The following LRRC37A3 variants were observed in gnomAD, a reference collection of about 807,000 sequenced individuals.
The protein encoded by LRRC37A3 is leucine-rich repeat-containing protein 37A3.
In LRRC37A3, 25 loss-of-function variants were observed where a neutral mutation model predicts 106.2. The observed-to-expected ratio is 0.24, with a 90% CI of 0.17 to 0.33. The LOEUF is 0.33. Among genes scored for constraint, LRRC37A3 ranks in the 10% least tolerant of loss-of-function variants. The pLI is 1.00. For synonymous variants in LRRC37A3, 305 were observed against 635.8 expected, an observed-to-expected ratio of 0.48 and a Z score of 7.83; for missense variants, 712 against 1,644.9, an observed-to-expected ratio of 0.43 and a Z score of 9.81.
rs1413567516 is a variant in LRRC37A3, at chr17:64,875,102, T to TA, written c.2907-5937dup. Among the ~76,000 whole-genome samples, 27 of 151,390 alleles carry TA rather than the reference T, an allele frequency of 1.8e-4. No homozygotes were observed. The South Asian group carries it at 2.3e-3, about 13-fold the overall frequency. On this transcript the variant is annotated intron_variant, in intron 8 of 14. Coordinates refer to ENST00000584306, the MANE Select transcript of LRRC37A3 (RefSeq NM_199340.5). ...CCCAAGAATGATCAATAAAAAAAAT[T>TA]AAAAAAAACAAAAACAACAACAAAA... is the stretch of plus-strand genomic sequence containing the variant.
At chr17:64,866,801 T>TTATATATATA (rs61583094) in intron 10 of LRRC37A3, among the ~76,000 whole-genome samples, 23 of 124,700 alleles carry the variant, frequency 1.8e-4, no homozygotes, top group African/African-American at 7.3e-4. Context: ...TGGCTGATTT[T>TTATATATATA]TATATATATA....
intron 2 of LRRC37A3, among the ~76,000 whole-genome samples, chr17:64,918,433 T>C (rs1422376493): frequency 2.6e-5 from 4 of 151,820 alleles, no homozygotes; most frequent in Admixed American, 1.3e-4. Context: ...GCAATGTAAT[T>C]TGAAGAGAAA....
rs1972660965 is a variant in LRRC37A3 at position 64,855,854 on chromosome 17, T to C, written c.4845A>G (p.Glu1615=). 3.1e-6 allele frequency: 5 copies of C among 1,611,850 alleles called. No individual in the cohort carries two copies. Among genetic ancestry groups the C allele is most frequent in the Non-Finnish European group, 4.2e-6 (5 of 1,179,710 alleles). ...CCHRRSLQED[E]EGFSRDSEAP... ...CTAATATTTACCTTGAGAATCCTTC[T>C]TCATCTTCTTGTAATGACCTTCGGT... The change falls in exon 14 of 15, where the codon GAA becomes GAG. Residue 1615 remains glutamate, a synonymous_variant. Transcript: ENST00000584306.
At chr17:64,880,077 T>C (rs1305198851) in intron 8 of LRRC37A3, among the ~76,000 whole-genome samples, 1 of 151,824 alleles carries the variant, frequency 6.6e-6, no homozygotes, top group East Asian at 1.9e-4. Context: ...CTTCTCCAGC[T>C]GACATTAGGA....
intron 8 of LRRC37A3, among the ~76,000 whole-genome samples, chr17:64,870,113 C>G (rs1470370697): frequency 7.8e-6 from 1 of 128,022 alleles, no homozygotes; most frequent in Non-Finnish European, 1.6e-5. Context: ...TTTTCTGAGA[C>G]GGAGTCTCAC....
intron 8 of LRRC37A3, among the ~76,000 whole-genome samples, chr17:64,871,035 A>AT (rs1187525599): frequency 6.6e-6 from 1 of 150,794 alleles, no homozygotes; most frequent in Non-Finnish European, 1.5e-5. Flanking sequence ...ACGCCTGGCT[A>AT]TTTTTTGTGT....
Position 64,860,650 on chromosome 17 carries a change from T to C in LRRC37A3, c.3496A>G (p.Arg1166Gly), listed in dbSNP as rs1972837178. The C allele has an allele frequency of 6.2e-7, 1 of 1,613,934 alleles. No homozygotes were observed. Among genetic ancestry groups the C allele is most frequent in the African/African-American group, 1.3e-5 (1 of 74,944 alleles). The stretch of plus-strand genomic sequence containing the variant: ...ATGCTCCTTGGGCCCATGAGGACTC[T>C]ATTCAGTCTCTGCCGGTTTTTGCCT... Reference protein sequence around the residue: ...TVGKNRQRLNRVLMGPRSIQK... With the variant: ...TVGKNRQRLNGVLMGPRSIQK... The change falls in exon 12 of 15, where the codon AGA becomes GGA. Residue 1166 changes from arginine (R) to glycine (G), a missense_variant. Arg to Gly is a moderately radical substitution (Grantham distance 125, BLOSUM62 -2). Coordinates refer to ENST00000584306, the MANE Select transcript of LRRC37A3 (RefSeq NM_199340.5).
rs1972934238 is a variant in LRRC37A3 at position 64,863,196 on chromosome 17, G to C, written c.3054-178C>G. 1.8e-5 allele frequency: 12 copies of C among 674,018 alleles called. 1 individual carries two copies. In the South Asian group the frequency reaches 1.9e-4, roughly 11 times the overall value. The allele number at this position is 674,018 out of a possible 1,614,324, so 41.8% of individuals were successfully genotyped here. A position where few individuals can be genotyped will look rare whatever the true frequency, so the allele number is the denominator to read the frequency against. On this transcript the variant is annotated intron_variant, in intron 10 of 14. Coordinates refer to ENST00000584306, the MANE Select transcript of LRRC37A3 (RefSeq NM_199340.5). ...GGAGGACAAAAGTGCCCAACTGAAG[G>C]GTAAGCATGGCAGTGAGTATGGTAT...
intron 13 of LRRC37A3, among the ~76,000 whole-genome samples, chr17:64,858,007 G>A (rs1372440809): frequency 6.6e-6 from 1 of 152,138 alleles, no homozygotes. Flanking sequence ...TCATGTAATC[G>A]AACAAAAGAC....
intron 2 of LRRC37A3, among the ~76,000 whole-genome samples, chr17:64,917,159 T>C (rs1163380671): frequency 1.4e-5 from 2 of 138,442 alleles, no homozygotes; most frequent in Non-Finnish European, 3.0e-5. Context: ...GGCAGGAGAA[T>C]GGCATGAACC....
intron 2 of LRRC37A3, among the ~76,000 whole-genome samples, chr17:64,900,882 TTTTC>T (rs1231088486): frequency 7.3e-6 from 1 of 136,820 alleles, no homozygotes; most frequent in African/African-American, 2.9e-5. Context: ...TGTTTTTCTT[TTTTC>T]TTTTAGACAG....
intron 8 of LRRC37A3, among the ~76,000 whole-genome samples, chr17:64,883,143 C>T (rs1489286650): frequency 4.6e-5 from 7 of 152,174 alleles, no homozygotes; most frequent in South Asian, 2.1e-4. Context: ...GATAGTTAGC[C>T]GCCTGGTCCT....
chr17:64,863,076 A>G lies in LRRC37A3; in HGVS notation c.3054-58T>C, dbSNP rs1301657596. On this transcript the variant is annotated intron_variant, in intron 10 of 14. Transcript: ENST00000584306. Reference sequence around the variant, plus strand: ...GGTAAAGCGGTTACTTGAGTAGGTAAAGGAGGCAGCCAACACTACCACAGG... The same window carrying G: ...GGTAAAGCGGTTACTTGAGTAGGTAGAGGAGGCAGCCAACACTACCACAGG... 3.1e-6 allele frequency: 5 copies of G among 1,588,254 alleles called. No homozygotes were observed. In the South Asian group the frequency reaches 3.3e-5, roughly 10 times the overall value.
rs1424592136 is a variant in LRRC37A3 at position 64,854,648 on chromosome 17, G to A, written c.4860-4C>T. Reference sequence around the variant, plus strand: ...CTCCGTTGGGGCTTCGCTGTCCCTGGGATAAGAATAACAATGCCAAGGTTT... The same window carrying A: ...CTCCGTTGGGGCTTCGCTGTCCCTGAGATAAGAATAACAATGCCAAGGTTT... On this transcript the variant is annotated splice_region_variant and splice_polypyrimidine_tract_variant and intron_variant, in intron 14 of 14. Coordinates refer to ENST00000584306, the MANE Select transcript of LRRC37A3 (RefSeq NM_199340.5). 1.2e-6 allele frequency: 2 copies of A among 1,613,286 alleles called. No individual in the cohort carries two copies. Among genetic ancestry groups the A allele is most frequent in the Non-Finnish European group, 1.7e-6 (2 of 1,179,848 alleles).
chr17:64,900,605 GTTT>G, intron 2 of LRRC37A3: 1 of 29,768 alleles, frequency 3.4e-5, no homozygotes. Context: ...TTACCTTTGA[GTTT>G]TTATCTCCAC....
At chr17:64,872,024 C>T (rs1286930295) in intron 8 of LRRC37A3, among the ~76,000 whole-genome samples, 17 of 148,484 alleles carry the variant, frequency 1.1e-4, no homozygotes, top group East Asian at 2.0e-4. Flanking sequence ...CCCAGCTACT[C>T]GGGAGGCTGA....
Position 64,860,463 on chromosome 17 carries a change from C to T in LRRC37A3, c.3683G>A (p.Gly1228Glu), listed in dbSNP as rs749664094. ...CGAAGGCTTGGTGTAGACGGCGTTTCCCGCTAACTTCTCAGGCCCCTGCTG... is the reference window on the plus strand; with the variant it reads ...CGAAGGCTTGGTGTAGACGGCGTTTTCCGCTAACTTCTCAGGCCCCTGCTG... ...HTQQGPEKLA[G>E]NAVYTKPSFT... Residue 1228 changes from glycine (G) to glutamate (E), a missense_variant, in exon 12 of 15, where the codon GGA becomes GAA. Coordinates refer to ENST00000584306, the MANE Select transcript of LRRC37A3 (RefSeq NM_199340.5). 3.7e-6 allele frequency: 6 copies of T among 1,613,452 alleles called. No homozygotes were observed. In the African/African-American group the frequency reaches 6.7e-5, roughly 18 times the overall value.
chr17:64,868,999 T>C (rs1265540316), intron 9 of LRRC37A3, 96 bp downstream of exon 9: 3 of 1,513,682 alleles, frequency 2.0e-6, no homozygotes, highest in South Asian at 1.3e-5. Flanking sequence ...ATTTAAATTA[T>C]GACATTTTAG....
chr17:64,855,415 A>G (rs1026566420), intron 14 of LRRC37A3, among the ~76,000 whole-genome samples: 1 of 149,766 alleles, frequency 6.7e-6, no homozygotes, highest in Non-Finnish European at 1.5e-5. Context: ...ATCAGCAGCA[A>G]TAGGCACCAA....
Sources: allele counts gnomAD v4.1 joint callset (sites outside exome capture counted in the v4.1 genomes callset), GRCh38; gene constraint gnomAD v4.1.1; transcripts MANE v1.5; gene names NCBI Gene and HGNC (gene_info 2026-07-23, HGNC 2026-07-21).